Variants in SPAST observed in about 807,000 individuals in gnomAD.
SPAST encodes the protein spastin.
A neutral mutation model predicts 76.6 loss-of-function variants in SPAST; 30 were observed. The ratio of observed to expected loss-of-function variants is 0.39; its 90% CI spans 0.29 to 0.53. The LOEUF (loss-of-function observed/expected upper bound fraction) is 0.53. Among genes scored for constraint, SPAST ranks in the 20% least tolerant of loss-of-function variants. The probability of loss-of-function intolerance (pLI) is 0.68; values close to 1 mark genes in which losing one functional copy is unlikely to be tolerated. For synonymous variants in SPAST, 305 were observed against 281.0 expected (o/e 1.09, Z -0.86); for missense variants, 717 against 770.5 (o/e 0.93, Z 0.82).
At chr2:32,097,840 C>T (rs937741533) in intron 3 of SPAST, among the ~76,000 whole-genome samples, 6 of 151,994 alleles carry the variant, frequency 3.9e-5, no homozygotes, top group African/African-American at 9.6e-5. Context: ...ACTACAGGCG[C>T]GTGCCACCAC....
chr2:32,091,705 G>A (rs1677725186), intron 3 of SPAST, among the ~76,000 whole-genome samples: 1 of 151,886 alleles, frequency 6.6e-6, no homozygotes, highest in Non-Finnish European at 1.5e-5. Flanking sequence ...GTGGTGGCGG[G>A]CACCTGTAGT....
chr2:32,152,611 A>C (rs531079601), intron 16 of SPAST, among the ~76,000 whole-genome samples: 9 of 151,756 alleles, frequency 5.9e-5, no homozygotes, highest in Non-Finnish European at 1.2e-4. Context: ...TATCATGTTT[A>C]ATACCCATGT....
intron 1 of SPAST, among the ~76,000 whole-genome samples, chr2:32,086,631 A>G (rs936528974): frequency 4.0e-4 from 60 of 151,760 alleles, no homozygotes; most frequent in African/African-American, 1.4e-3. Flanking sequence ...GATGGTGCAC[A>G]CCTGTAACCC....
At chr2:32,134,059 C>T (rs1679455505) in intron 9 of SPAST, among the ~76,000 whole-genome samples, 1 of 152,026 alleles carries the variant, frequency 6.6e-6, no homozygotes, top group Admixed American at 6.6e-5. Flanking sequence ...TTTTTTAAGA[C>T]AGGGTCTGTT....
intron 7 of SPAST, chr2:32,126,480 T>C (rs1347545417): frequency 2.5e-5 from 3 of 120,460 alleles, no homozygotes; most frequent in African/African-American, 6.5e-5. Context: ...TTTTTTTTTT[T>C]TTTTTTTTTT....
chr2:32,116,345 T>G, intron 7 of SPAST, 133 bp downstream of exon 7: 1 of 650,152 alleles, frequency 1.5e-6, no homozygotes, highest in Non-Finnish European at 2.7e-6. Context: ...TTTAATGTTT[T>G]AAAAAAGATA....
In SPAST at chr2:32,126,201, G is replaced by A. The variant is rs186715042; in HGVS notation, c.1099-747G>A. Among the ~76,000 whole-genome samples, 4 of 152,240 alleles carry A rather than the reference G, an allele frequency of 2.6e-5. No individual in the cohort carries two copies. The East Asian group carries it at 7.7e-4, about 29-fold the overall frequency. On this transcript the variant is annotated intron_variant, in intron 7 of 16. Coordinates refer to ENST00000315285, the MANE Select transcript of SPAST (RefSeq NM_014946.4). ...CTTCCTGGGATTTTTGTTCACGTCAGCGTGCTTCTTGCATTTAGGTATCCC... is the reference window on the plus strand; with the variant it reads ...CTTCCTGGGATTTTTGTTCACGTCAACGTGCTTCTTGCATTTAGGTATCCC...
rs773998404 is a variant in SPAST, at chr2:32,075,547, CTTTT to C, written c.415+11318_415+11321del. 9.4e-5 allele frequency among the ~76,000 whole-genome samples: 8 copies of C among 85,494 alleles called. No homozygotes were observed. The South Asian group carries it at 1.4e-3, about 15-fold the overall frequency. 56.1% of individuals were successfully genotyped at this position (85,494 alleles called of 152,430 possible). On this transcript the variant is annotated intron_variant, in intron 1 of 16. Coordinates refer to ENST00000315285, the MANE Select transcript of SPAST (RefSeq NM_014946.4). Reference sequence around the variant, plus strand: ...CCTCATTTAGTGTCATGGCTTTTTTCTTTTTTTTTTTTTTTTTTTTGAGACAAAG... The same window carrying C: ...CCTCATTTAGTGTCATGGCTTTTTTCTTTTTTTTTTTTTTTTGAGACAAAG...
intron 1 of SPAST, among the ~76,000 whole-genome samples, chr2:32,082,780 TTG>T (rs1558619351): frequency 6.6e-6 from 1 of 152,212 alleles, no homozygotes; most frequent in Non-Finnish European, 1.5e-5. Flanking sequence ...ATGTAGCCTT[TTG>T]TGTCTCGCTT....
chr2:32,073,420 T>C (rs1377154577), intron 1 of SPAST, among the ~76,000 whole-genome samples: 1 of 152,210 alleles, frequency 6.6e-6, no homozygotes, highest in African/African-American at 2.4e-5. Flanking sequence ...CCAGTAGTAG[T>C]TGGGTTTTTG....
At chr2:32,087,969 C>T (rs561072156) in intron 2 of SPAST, among the ~76,000 whole-genome samples, 9 of 151,918 alleles carry the variant, frequency 5.9e-5, no homozygotes, top group Admixed American at 2.6e-4. Flanking sequence ...CTGCAATCTC[C>T]GCCTCCCGGA....
intron 15 of SPAST, among the ~76,000 whole-genome samples, chr2:32,145,531 CA>C (rs1329741600): frequency 6.6e-6 from 1 of 152,086 alleles, no homozygotes; most frequent in Non-Finnish European, 1.5e-5. Flanking sequence ...AAACTTTAAA[CA>C]AAAAAGAATA....
intron 7 of SPAST, among the ~76,000 whole-genome samples, chr2:32,121,589 G>A (rs1489300259): frequency 1.6e-5 from 2 of 127,054 alleles, no homozygotes; most frequent in Admixed American, 9.3e-5. Flanking sequence ...CACCCAGGCT[G>A]GAGTGCAGTG....
rs1676390895 is a variant in SPAST, at chr2:32,063,919, G to T, written c.88G>T (p.Ala30Ser). 2 of 1,587,942 alleles carry T rather than the reference G, an allele frequency of 1.3e-6. No homozygotes were observed. Among genetic ancestry groups the T allele is most frequent in the South Asian group, 2.3e-5 (2 of 88,304 alleles). The change falls in exon 1 of 17, where the codon GCC becomes TCC. Residue 30 changes from alanine to serine, a missense_variant. By Grantham distance (99) the Ala-to-Ser change is moderately conservative. Around this residue, in one of 3 missense-constraint regions of SPAST, gnomAD observed 543 missense variants for 445.2 expected, o/e 1.22. Coordinates refer to ENST00000315285, the MANE Select transcript of SPAST (RefSeq NM_014946.4). ...TCCCAGGCCTCCGCCCCCTTGCCTGGCCCCCGCCCCTCCCGCCGCCGGGCC... is the reference window on the plus strand; with the variant it reads ...TCCCAGGCCTCCGCCCCCTTGCCTGTCCCCCGCCCCTCCCGCCGCCGGGCC... Reference protein sequence around the residue: ...VPPRPPPPCLAPAPPAAGPAP... With the variant: ...VPPRPPPPCLSPAPPAAGPAP...
At chr2:32,126,720 C>G (rs1230473140) in intron 7 of SPAST, 2 of 460,026 alleles carry the variant, frequency 4.3e-6, no homozygotes, top group Non-Finnish European at 7.8e-6. Context: ...CTCTTGGGCT[C>G]ATGTAATCCT....
At chr2:32,114,593 A>G in intron 4 of SPAST, 45 bp from the exon 5 acceptor site, 1 of 1,465,180 alleles carries the variant, frequency 6.8e-7, no homozygotes, top group East Asian at 2.3e-5. Context: ...CTTTATGTTC[A>G]GCTACAATTT....
At chr2:32,095,489 TG>T (rs1360359139) in intron 3 of SPAST, among the ~76,000 whole-genome samples, 1 of 151,802 alleles carries the variant, frequency 6.6e-6, no homozygotes, top group African/African-American at 2.4e-5. Context: ...CCTAGCACTT[TG>T]GGAGGTTGAG....
intron 4 of SPAST, among the ~76,000 whole-genome samples, chr2:32,112,091 T>C (rs1288793911): frequency 6.6e-6 from 1 of 150,774 alleles, no homozygotes; most frequent in Non-Finnish European, 1.5e-5. Context: ...TAGCTGGGAT[T>C]ACAGGCACAC....
In SPAST at chr2:32,064,134, G is replaced by T. The variant is rs1232419017; in HGVS notation, c.303G>T (p.Ser101=). 3.2e-6 allele frequency: 5 copies of T among 1,575,410 alleles called. No individual in the cohort carries two copies. In the East Asian group the frequency reaches 1.2e-4, roughly 36 times the overall value. The change falls in exon 1 of 17, where the codon TCG becomes TCT. Residue 101 remains serine (S), a synonymous_variant. Coordinates refer to ENST00000315285, the MANE Select transcript of SPAST (RefSeq NM_014946.4). ...RSSGAAPAPA[S]ASAPAPVPGG... is the part of the protein sequence containing the mutation. ...CCGGGGCCGCGCCAGCACCTGCCTC[G>T]GCCTCGGCCCCGGCGCCGGTGCCGG...
Sources: allele counts gnomAD v4.1 joint callset (sites outside exome capture counted in the v4.1 genomes callset), GRCh38; gene constraint gnomAD v4.1.1; regional missense constraint gnomAD v4.1.1; transcripts MANE v1.5; gene names NCBI Gene and HGNC (gene_info 2026-07-23, HGNC 2026-07-21).